Variants in PLPPR1 observed in about 807,000 individuals in gnomAD.
PLPPR1 encodes phospholipid phosphatase-related protein type 1.
PLPPR1 carries 10 observed loss-of-function variants against 33.1 expected under a neutral mutation model. The observed-to-expected ratio is 0.30, with a 90% CI of 0.19 to 0.51. The LOEUF is 0.51. Ranked by LOEUF, PLPPR1 falls within the 20% of genes least tolerant of loss-of-function variation. The pLI is 0.97. For synonymous variants in PLPPR1, 151 were observed against 151.0 expected, an observed-to-expected ratio of 1.00 and a Z score of 0.00; for missense variants, 304 against 408.1, an observed-to-expected ratio of 0.74 and a Z score of 2.20.
At chr9:101,274,166 T>G (rs548856812) in intron 3 of PLPPR1, among the ~76,000 whole-genome samples, 23 of 152,338 alleles carry the variant, frequency 1.5e-4, no homozygotes, top group African/African-American at 5.5e-4. Context: ...ATTCAGCTTT[T>G]TCATTCCTTT....
intron 4 of PLPPR1, among the ~76,000 whole-genome samples, chr9:101,288,999 C>T (rs565903733): frequency 2.0e-5 from 3 of 152,312 alleles, no homozygotes; most frequent in Admixed American, 2.0e-4. Context: ...TTAACATAGC[C>T]TACAGAGCCC....
intron 1 of PLPPR1, among the ~76,000 whole-genome samples, chr9:101,057,103 T>A (rs1295076774): frequency 2.0e-5 from 3 of 152,210 alleles, no homozygotes; most frequent in Admixed American, 2.0e-4. Context: ...AGCCATCTCC[T>A]CACCTGTAAA....
intron 1 of PLPPR1, among the ~76,000 whole-genome samples, chr9:101,112,901 G>C (rs1213257735): frequency 6.6e-6 from 1 of 152,242 alleles, no homozygotes; most frequent in Admixed American, 6.5e-5. Context: ...TCACATGGCA[G>C]ACACTGACCA....
Position 101,309,283 on chromosome 9 carries a change from C to T in PLPPR1, c.458C>T (p.Thr153Met), listed in dbSNP as rs1828912814. The T allele has an allele frequency of 1.2e-6, 2 of 1,614,154 alleles. No homozygotes were observed. The highest frequency in any genetic ancestry group is 8.5e-7 in the Non-Finnish European group (1 of 1,180,016). ...NAGQVVTGHL[T>M]PYFLTVCKPN... is the part of the protein sequence containing the mutation. ...GGACAAGTGGTCACTGGGCACTTAA[C>T]GCCATACTTCCTGACTGTGTGCAAG... The change falls in exon 5 of 8, where the codon ACG becomes ATG. Residue 153 changes from threonine (T) to methionine (M), a missense_variant. By Grantham distance (81) the Thr-to-Met change is moderately conservative. Coordinates refer to ENST00000374874, the MANE Select transcript of PLPPR1 (RefSeq NM_207299.2).
intron 1 of PLPPR1, among the ~76,000 whole-genome samples, chr9:101,115,197 C>T (rs1175732508): frequency 6.6e-6 from 1 of 152,228 alleles, no homozygotes; most frequent in East Asian, 1.9e-4. Context: ...GCCCCACTCA[C>T]TTCTGGAAGA....
In PLPPR1 at chr9:101,185,566, A is replaced by AT; in HGVS notation, c.63+15dup. 1.3e-6 allele frequency: 2 copies of AT among 1,580,664 alleles called. No individual in the cohort carries two copies. The highest frequency in any genetic ancestry group is 1.7e-6 in the Non-Finnish European group (2 of 1,152,922). On this transcript the variant is annotated intron_variant, in intron 2 of 7. Coordinates refer to ENST00000374874, the MANE Select transcript of PLPPR1 (RefSeq NM_207299.2). ...GTTTTATATTTGTTGAGGTATGTGTATTTTTTAACCTTTATGGACAAATTG... is the reference window on the plus strand; with the variant it reads ...GTTTTATATTTGTTGAGGTATGTGTATTTTTTTAACCTTTATGGACAAATTG...
chr9:101,137,602 G>C (rs932576359), intron 1 of PLPPR1, among the ~76,000 whole-genome samples: 2 of 152,050 alleles, frequency 1.3e-5, no homozygotes, highest in African/African-American at 4.8e-5. Flanking sequence ...TCCTTAGTTG[G>C]GTGTCCTTGT....
At chr9:101,318,278 G>A (rs187121539) in intron 7 of PLPPR1, among the ~76,000 whole-genome samples, 1 of 151,254 alleles carries the variant, frequency 6.6e-6, no homozygotes, top group East Asian at 1.9e-4. Context: ...TACAAATGAA[G>A]GGGAAAAAAA....
chr9:101,294,565 C>G (rs1225517251), intron 4 of PLPPR1, among the ~76,000 whole-genome samples: 2 of 151,600 alleles, frequency 1.3e-5, no homozygotes, highest in African/African-American at 4.8e-5. Flanking sequence ...AAAATACTGG[C>G]AAACCGAATC....
chr9:101,284,716 C>T (rs925979844), intron 3 of PLPPR1, among the ~76,000 whole-genome samples: 1 of 152,082 alleles, frequency 6.6e-6, no homozygotes, highest in Admixed American at 6.6e-5. Context: ...TTTTTAATTT[C>T]TGTTATCCAT....
chr9:101,099,172 A>G (rs1356987359), intron 1 of PLPPR1, among the ~76,000 whole-genome samples: 3 of 152,112 alleles, frequency 2.0e-5, no homozygotes, highest in Non-Finnish European at 4.4e-5. Flanking sequence ...CAAGCCATGT[A>G]AAGTGCTTAG....
intron 2 of PLPPR1, among the ~76,000 whole-genome samples, chr9:101,208,511 T>C (rs918714643): frequency 6.6e-6 from 1 of 152,240 alleles, no homozygotes; most frequent in Non-Finnish European, 1.5e-5. Context: ...TTCTTTAATC[T>C]TTATACTTCA....
chr9:101,290,699 A>G (rs901690696), intron 4 of PLPPR1, among the ~76,000 whole-genome samples: 1 of 152,226 alleles, frequency 6.6e-6, no homozygotes, highest in Non-Finnish European at 1.5e-5. Flanking sequence ...TGAGGCCATT[A>G]TAAGTTGCAA....
At chr9:101,190,558 G>A (rs1826280153) in intron 2 of PLPPR1, among the ~76,000 whole-genome samples, 1 of 152,026 alleles carries the variant, frequency 6.6e-6, no homozygotes, top group African/African-American at 2.4e-5. Flanking sequence ...TTTGACTTGG[G>A]GATGTTTTGT....
intron 6 of PLPPR1, among the ~76,000 whole-genome samples, chr9:101,313,790 T>C (rs1588123342): frequency 6.6e-6 from 1 of 152,200 alleles, no homozygotes; most frequent in Non-Finnish European, 1.5e-5. Flanking sequence ...AGTATACAAT[T>C]TGATCAATTT....
chr9:101,156,199 T>C (rs1307638964), intron 1 of PLPPR1, among the ~76,000 whole-genome samples: 1 of 152,184 alleles, frequency 6.6e-6, no homozygotes, highest in Non-Finnish European at 1.5e-5. Flanking sequence ...CTACTTTCAT[T>C]TGACCATGGG....
intron 1 of PLPPR1, among the ~76,000 whole-genome samples, chr9:101,119,289 G>A (rs1831149410): frequency 6.6e-6 from 1 of 152,200 alleles, no homozygotes; most frequent in Non-Finnish European, 1.5e-5. Context: ...TTCCAGGGTG[G>A]TAAGCTGCTT....
intron 5 of PLPPR1, among the ~76,000 whole-genome samples, chr9:101,310,965 C>T (rs140328246): frequency 2.6e-5 from 4 of 152,246 alleles, no homozygotes; most frequent in African/African-American, 9.6e-5. Flanking sequence ...AACCAAAAAA[C>T]CTCTATGCAG....
At chr9:101,284,409 T>C (rs992914902) in intron 3 of PLPPR1, among the ~76,000 whole-genome samples, 1 of 152,176 alleles carries the variant, frequency 6.6e-6, no homozygotes, top group Non-Finnish European at 1.5e-5. Flanking sequence ...TCTACAGAAG[T>C]TGATCTCACA....
Sources: allele counts gnomAD v4.1 joint callset (sites outside exome capture counted in the v4.1 genomes callset), GRCh38; gene constraint gnomAD v4.1.1; transcripts MANE v1.5; gene names NCBI Gene and HGNC (gene_info 2026-07-23, HGNC 2026-07-21).